NDUFAF6: variants seen among roughly 807,000 people sequenced by gnomAD.
The protein encoded by NDUFAF6 is NADH dehydrogenase (ubiquinone) complex I, assembly factor 6.
NDUFAF6 carries 45 observed loss-of-function variants against 40.8 expected under a neutral mutation model. The observed-to-expected ratio is 1.10, with a 90% CI of 0.87 to 1.42. The LOEUF (loss-of-function observed/expected upper bound fraction) is 1.42, where lower values mean the gene tolerates loss of function less well. Among genes scored for constraint, NDUFAF6 ranks in the 40% most tolerant of loss-of-function variants. NDUFAF6 has a pLI of 0.00. For synonymous variants in NDUFAF6, 185 were observed against 155.9 expected (o/e 1.19, Z -1.39); for missense variants, 435 against 418.5 (o/e 1.04, Z -0.34).
At chr8:94,939,845 ATACTTGTAACG>A (rs1821348068) in intron 1 of NDUFAF6, 1 of 1,603,006 alleles carries the variant, frequency 6.2e-7, no homozygotes, top group Non-Finnish European at 8.5e-7. Flanking sequence ...AGAGAGTTAA[ATACTTGTAACG>A]TACCTGGGAC....
At chr8:94,960,677 T>C (rs1006394331) in intron 1 of NDUFAF6, among the ~76,000 whole-genome samples, 1 of 152,214 alleles carries the variant, frequency 6.6e-6, no homozygotes, top group Non-Finnish European at 1.5e-5. Flanking sequence ...TCCTCCAAAG[T>C]GTTTGTTTTG....
upstream of NDUFAF6, among the ~76,000 whole-genome samples, chr8:95,022,814 A>G (rs1827746088): frequency 6.6e-6 from 1 of 152,192 alleles, no homozygotes; most frequent in South Asian, 2.1e-4. Context: ...CAAAGACAAA[A>G]CTAAAACCTA....
At chr8:94,924,131 G>A (rs556111916) in intron 1 of NDUFAF6, among the ~76,000 whole-genome samples, 1 of 152,206 alleles carries the variant, frequency 6.6e-6, no homozygotes, top group Non-Finnish European at 1.5e-5. Flanking sequence ...TACGATCTTG[G>A]CTCACTACAA....
chr8:94,957,650 A>T (rs1823194900), upstream of NDUFAF6, among the ~76,000 whole-genome samples: 4 of 152,228 alleles, frequency 2.6e-5, no homozygotes, highest in Admixed American at 2.0e-4. Flanking sequence ...CAATAACTTC[A>T]CTTACACATA....
At chr8:95,099,875 C>A (rs1186185183), upstream of NDUFAF6, among the ~76,000 whole-genome samples, 1 of 152,182 alleles carries the variant, frequency 6.6e-6, no homozygotes, top group Non-Finnish European at 1.5e-5. Flanking sequence ...TCTGCAAGTG[C>A]CTATAAAATA....
intron 1 of NDUFAF6, among the ~76,000 whole-genome samples, chr8:94,960,745 A>G (rs1191057218): frequency 6.6e-6 from 1 of 152,216 alleles, no homozygotes; most frequent in Admixed American, 6.5e-5. Flanking sequence ...AGCAGCAACC[A>G]GTGGAGCTGC....
chr8:94,954,028 C>T (rs552381763), upstream of NDUFAF6, among the ~76,000 whole-genome samples: 1 of 152,170 alleles, frequency 6.6e-6, no homozygotes, highest in Non-Finnish European at 1.5e-5. Flanking sequence ...ATTTATTTCT[C>T]TTAAATATCC....
chr8:95,015,969 G>C (rs868536557), intron 2 of NDUFAF6, among the ~76,000 whole-genome samples: 1 of 152,196 alleles, frequency 6.6e-6, no homozygotes, highest in Non-Finnish European at 1.5e-5. Flanking sequence ...GCTTTAAAGA[G>C]CTTAAGATAT....
At chr8:95,098,888 C>T (rs1004520919), upstream of NDUFAF6, among the ~76,000 whole-genome samples, 27 of 152,270 alleles carry the variant, frequency 1.8e-4, no homozygotes, top group African/African-American at 6.3e-4. Context: ...CCCCACTACA[C>T]TCCAGCCTGG....
At chr8:95,088,739 T>TG (rs1809142261) in intron 2 of NDUFAF6, among the ~76,000 whole-genome samples, 1 of 144,434 alleles carries the variant, frequency 6.9e-6, no homozygotes, top group African/African-American at 2.6e-5. Context: ...TTTCTTTTTG[T>TG]TTTCTTGTTT....
chr8:95,028,571 A>G (rs1341763217), intron 1 of NDUFAF6, among the ~76,000 whole-genome samples: 1 of 152,196 alleles, frequency 6.6e-6, no homozygotes, highest in Non-Finnish European at 1.5e-5. Flanking sequence ...TTATTTTCCA[A>G]ATGTTACTAC....
chr8:95,023,974 A>AGT (rs542382570), upstream of NDUFAF6, among the ~76,000 whole-genome samples: 372 of 149,864 alleles, frequency 2.5e-3, 4 homozygotes, highest in African/African-American at 8.8e-3. Context: ...CTGGCAACAG[A>AGT]GTGAGACTCT....
chr8:94,985,493 A>ATT, intron 2 of NDUFAF6, among the ~76,000 whole-genome samples: 1 of 7,066 alleles, frequency 1.4e-4, no homozygotes, highest in Non-Finnish European at 3.2e-4. Flanking sequence ...ATATATATAT[A>ATT]TATATATATA....
intron 2 of NDUFAF6, among the ~76,000 whole-genome samples, chr8:95,018,145 A>G (rs931097326): frequency 2.6e-4 from 39 of 151,246 alleles, no homozygotes; most frequent in African/African-American, 8.5e-4. Context: ...GGCTTGAAAA[A>G]TCCCTCCAAC....
intron 2 of NDUFAF6, chr8:94,988,604 T>C (rs112135355): frequency 4.3e-4 from 66 of 152,348 alleles, no homozygotes; most frequent in African/African-American, 1.5e-3. Flanking sequence ...CATTTCTTAG[T>C]TTCATTCCCT....
rs188555126 is a variant in NDUFAF6 at position 94,966,410 on chromosome 8, A to G, written c.-199+8231A>G. Among the ~76,000 whole-genome samples the G allele has an allele frequency of 3.5e-3, 539 of 152,142 alleles. 4 individuals carry two copies. Among genetic ancestry groups the G allele is most frequent in the Non-Finnish European group, 5.6e-3 (384 of 67,996 alleles). On this transcript the variant is annotated intron_variant, in intron 1 of 9. Coordinates refer to the NDUFAF6 transcript ENST00000396111. ...AGAGTTCAAGACCAGCCTGAGCTAC[A>G]TGGTGAAACTTCATCTCTACACAAA...
intron 4 of NDUFAF6, among the ~76,000 whole-genome samples, chr8:95,110,521 C>A (rs1184128337): frequency 2.0e-5 from 3 of 152,114 alleles, no homozygotes; most frequent in Admixed American, 6.5e-5. Flanking sequence ...CTATAGTCTT[C>A]AAAAAACCCA....
At chr8:94,979,616 A>T (rs1009169784) in intron 1 of NDUFAF6, among the ~76,000 whole-genome samples, 5 of 152,206 alleles carry the variant, frequency 3.3e-5, no homozygotes, top group African/African-American at 9.7e-5. Context: ...TTTGCCACAA[A>T]TACATTGTTT....
At chr8:95,016,163 A>T (rs1827437020) in intron 2 of NDUFAF6, among the ~76,000 whole-genome samples, 1 of 152,228 alleles carries the variant, frequency 6.6e-6, no homozygotes, top group Admixed American at 6.5e-5. Context: ...GTATTAATAT[A>T]TGAAGATCAC....
Sources: gnomAD v4.1 joint callset for allele counts (sites outside exome capture counted in the v4.1 genomes callset) on GRCh38, gnomAD v4.1.1 for gene constraint, MANE v1.5 for transcripts, NCBI Gene and HGNC (gene_info 2026-07-23, HGNC 2026-07-21) for gene names.